RFC4: variants seen among roughly 807,000 people sequenced by gnomAD.
The protein encoded by RFC4 is replication factor C subunit 4.
Under a neutral mutation model 47.6 loss-of-function variants are expected in RFC4, and 38 were observed. The observed-to-expected ratio is 0.80, with a 90% confidence interval of 0.62 to 1.05. RFC4 has a LOEUF of 1.05. RFC4 is among the 50% of genes least tolerant of loss of function. The pLI is 0.00. For missense variants in RFC4, 489 were observed against 434.0 expected (o/e 1.13, Z -1.13); for synonymous variants, 164 against 150.0 (o/e 1.09, Z -0.68).
intron 3 of RFC4, among the ~76,000 whole-genome samples, chr3:186,800,749 T>C (rs915800163): frequency 6.6e-6 from 1 of 152,202 alleles, no homozygotes; most frequent in African/African-American, 2.4e-5. Flanking sequence ...TTATAGCACA[T>C]ATTACTACCT....
chr3:186,797,628 AT>A lies in RFC4; in HGVS notation c.211-15del. Reference sequence around the variant, plus strand: ...GAGATTAGGAAGCTGTAGAAATTAAATTTTATTTTTAATAAATGGTATTCTG... The same window carrying A: ...GAGATTAGGAAGCTGTAGAAATTAAATTTATTTTTAATAAATGGTATTCTG... On this transcript the variant is annotated splice_polypyrimidine_tract_variant and intron_variant, in intron 3 of 10. Coordinates refer to ENST00000296273, the MANE Select transcript of RFC4 (RefSeq NM_002916.5). 2 of 1,564,410 alleles carry A rather than the reference AT, an allele frequency of 1.3e-6. No individual in the cohort carries two copies. Among genetic ancestry groups the A allele is most frequent in the South Asian group, 1.1e-5 (1 of 87,540 alleles).
intron 3 of RFC4, 64 bp downstream of exon 3, chr3:186,801,053 G>A: frequency 8.3e-7 from 1 of 1,202,576 alleles, no homozygotes; most frequent in East Asian, 2.3e-5. Context: ...TATAAAGGAA[G>A]AAAGAGGGTG....
At position 186,790,334 on chromosome 3, in the gene RFC4, C is replaced by T; in HGVS notation, c.874G>A (p.Val292Met). 1 of 1,613,770 alleles carries T rather than the reference C, an allele frequency of 6.2e-7. No homozygotes were observed. The highest frequency in any genetic ancestry group is 1.6e-4 in the Middle Eastern group (1 of 6,062). The change falls in exon 9 of 11, where the codon GTG becomes ATG. Residue 292 changes from valine (V) to methionine (M), a missense_variant. By Grantham distance (21) the Val-to-Met change is conservative. Coordinates refer to ENST00000296273, the MANE Select transcript of RFC4 (RefSeq NM_002916.5). ...QSGSFDKLEA[V>M]VKDLIDEGHA... Reference sequence around the variant, plus strand: ...TAGTAAGCTGACTTTACCTTGACCACAGCTTCTAGTTTGTCAAAAGAGCCA... The same window carrying T: ...TAGTAAGCTGACTTTACCTTGACCATAGCTTCTAGTTTGTCAAAAGAGCCA...
chr3:186,791,076 G>T (rs979025002), intron 8 of RFC4, among the ~76,000 whole-genome samples: 2 of 151,826 alleles, frequency 1.3e-5, no homozygotes, highest in African/African-American at 2.4e-5. Flanking sequence ...TTTAATAAAT[G>T]ATTACTGTAA....
At chr3:186,795,810 C>G (rs1426719547) in intron 4 of RFC4, among the ~76,000 whole-genome samples, 1 of 151,808 alleles carries the variant, frequency 6.6e-6, no homozygotes. Context: ...AATAAATAAA[C>G]AAATAAATAA....
chr3:186,791,372 C>A, intron 8 of RFC4: 1 of 264,128 alleles, frequency 3.8e-6, no homozygotes, highest in Non-Finnish European at 7.6e-6. Flanking sequence ...GCCTGTAATC[C>A]CAGCTAATTG....
At chr3:186,803,007 T>TA (rs956090107) in intron 2 of RFC4, among the ~76,000 whole-genome samples, 12 of 151,934 alleles carry the variant, frequency 7.9e-5, no homozygotes, top group African/African-American at 2.9e-4. Context: ...TCCACATAAT[T>TA]AAAAAAATCT....
chr3:186,798,298 C>A (rs1009415435), intron 3 of RFC4, among the ~76,000 whole-genome samples: 4 of 152,104 alleles, frequency 2.6e-5, no homozygotes, highest in African/African-American at 7.2e-5. Flanking sequence ...TGGCTCCTAT[C>A]AAGCAGTCGA....
At chr3:186,792,987 T>G (rs1722175010) in intron 5 of RFC4, 40 bp from the exon 6 acceptor site, 1 of 1,565,332 alleles carries the variant, frequency 6.4e-7, no homozygotes, top group Non-Finnish European at 8.7e-7. Flanking sequence ...CATTAATATG[T>G]ATATTGGTTT....
chr3:186,794,920 C>T (rs1459416221), intron 4 of RFC4, 143 bp from the exon 5 acceptor site: 1 of 882,082 alleles, frequency 1.1e-6, no homozygotes, highest in Non-Finnish European at 1.7e-6. Context: ...TGCATTCTCG[C>T]TTCAGCAGAG....
intron 3 of RFC4, among the ~76,000 whole-genome samples, chr3:186,798,635 T>C (rs1722291128): frequency 1.3e-5 from 2 of 152,130 alleles, no homozygotes; most frequent in Admixed American, 1.3e-4. Flanking sequence ...TAGCTTACAA[T>C]GGCTTCTAAC....
rs779915075 is a variant in RFC4, at chr3:186,793,381, C to A, written c.411-434G>T. 6.6e-5 allele frequency among the ~76,000 whole-genome samples: 10 copies of A among 152,186 alleles called. No individual in the cohort carries two copies. Among genetic ancestry groups the A allele is most frequent in the Non-Finnish European group, 1.2e-4 (8 of 68,040 alleles). Reference sequence around the variant, plus strand: ...AATACTATGGCAAATAGATACACCACATTTATTCATCCATTAATCGGTTGG... The same window carrying A: ...AATACTATGGCAAATAGATACACCAAATTTATTCATCCATTAATCGGTTGG... On this transcript the variant is annotated intron_variant, in intron 5 of 10. Transcript: ENST00000296273. This position sits in a 1 kb window ranked among gnomAD's most constrained non-coding sequence, Gnocchi z 4.2.
At chr3:186,794,580 A>G in intron 5 of RFC4, 78 bp downstream of exon 5, 1 of 1,415,464 alleles carries the variant, frequency 7.1e-7, no homozygotes. Context: ...GATCTTAGCC[A>G]AAAGGCTGAG....
rs1439457125 is a variant in RFC4 at position 186,793,238 on chromosome 3, CATG to C, written c.411-294_411-292del. On this transcript the variant is annotated intron_variant, in intron 5 of 10. Coordinates refer to ENST00000296273, the MANE Select transcript of RFC4 (RefSeq NM_002916.5). This position sits in a 1 kb window ranked among gnomAD's most constrained non-coding sequence, Gnocchi z 4.2. The stretch of plus-strand genomic sequence containing the variant: ...TCTCTATAGATTTGCCTATTCTGGA[CATG>C]ATATGAATGGAACATATAATATGCA... Among the ~76,000 whole-genome samples the C allele has an allele frequency of 8.5e-5, 13 of 152,186 alleles. No individual in the cohort carries two copies. Among genetic ancestry groups the C allele is most frequent in the Admixed American group, 2.0e-4 (3 of 15,286 alleles).
intron 3 of RFC4, among the ~76,000 whole-genome samples, chr3:186,800,685 C>T (rs1228655901): frequency 6.6e-6 from 1 of 152,078 alleles, no homozygotes; most frequent in Non-Finnish European, 1.5e-5. Flanking sequence ...ATAGGTCAAT[C>T]CAAATCCTAA....
chr3:186,790,306 A>C lies in RFC4; in HGVS notation c.882+20T>G, dbSNP rs1722063942. On this transcript the variant is annotated intron_variant, in intron 9 of 10. Transcript: ENST00000296273. ...GATGACTTAATATTCCTTTCCCCAA[A>C]GTTAGTAAGCTGACTTTACCTTGAC... is the stretch of plus-strand genomic sequence containing the variant. 3 of 1,613,094 alleles carry C rather than the reference A, an allele frequency of 1.9e-6. No individual in the cohort carries two copies. Among genetic ancestry groups the C allele is most frequent in the Non-Finnish European group, 2.5e-6 (3 of 1,179,072 alleles).
chr3:186,790,853 G>A (rs577516538), intron 8 of RFC4, among the ~76,000 whole-genome samples: 1 of 152,252 alleles, frequency 6.6e-6, no homozygotes, highest in South Asian at 2.1e-4. Flanking sequence ...AATTAAAGAG[G>A]ATTAGTGGTA....
At chr3:186,791,567 C>T (rs1722136977) in intron 8 of RFC4, 158 bp downstream of exon 8, 2 of 714,958 alleles carry the variant, frequency 2.8e-6, no homozygotes, top group South Asian at 2.9e-5. Flanking sequence ...AGTGCTATCT[C>T]CTCACCTCAA....
rs1722149489 is a variant in RFC4, at chr3:186,791,895, G to A, written c.676-45C>T. On this transcript the variant is annotated intron_variant, in intron 7 of 10. Coordinates refer to ENST00000296273, the MANE Select transcript of RFC4 (RefSeq NM_002916.5). ...TTTTAACCTATGATGGCCAATTAAG[G>A]ATTTATAACTTTAATTTTAAAATGT... The A allele has an allele frequency of 2.0e-6, 3 of 1,500,464 alleles. No homozygotes were observed. The Admixed American group carries it at 6.1e-5, about 31-fold the overall frequency. The allele number at this position is 1,500,464 out of a possible 1,614,324, so 92.9% of individuals were successfully genotyped here.
Sources: allele counts gnomAD v4.1 joint callset (sites outside exome capture counted in the v4.1 genomes callset), GRCh38; gene constraint gnomAD v4.1.1; non-coding constraint Gnocchi (gnomAD v3.1); transcripts MANE v1.5; gene names NCBI Gene and HGNC (gene_info 2026-07-23, HGNC 2026-07-21).